DYNC2H1: variants seen among roughly 807,000 people sequenced by gnomAD.
DYNC2H1 encodes the protein cytoplasmic dynein 2 heavy chain 1.
In DYNC2H1, 410 loss-of-function variants were observed where a neutral mutation model predicts 570.0. The observed-to-expected ratio is 0.72, with a 90% CI of 0.66 to 0.78. DYNC2H1 has a LOEUF of 0.78. Among genes scored for constraint, DYNC2H1 ranks in the 30% least tolerant of loss-of-function variants. The probability of loss-of-function intolerance (pLI) is 0.00; values close to 1 mark genes in which losing one functional copy is unlikely to be tolerated. For synonymous variants in DYNC2H1, 1,688 were observed against 1,677.6 expected (o/e 1.01, Z -0.15); for missense variants, 4,865 against 5,046.4 (o/e 0.96, Z 1.09).
chr11:103,371,090 G>A (rs575230882), intron 83 of DYNC2H1, among the ~76,000 whole-genome samples: 157 of 152,092 alleles, frequency 1.0e-3, no homozygotes, highest in South Asian at 2.9e-3. Context: ...ATTCTATCAG[G>A]TAAATTTTAA....
chr11:103,389,657 C>T (rs1942048323), intron 83 of DYNC2H1, among the ~76,000 whole-genome samples: 1 of 151,802 alleles, frequency 6.6e-6, no homozygotes, highest in Non-Finnish European at 1.5e-5. Context: ...TCCCTCTACA[C>T]ACTGCTTTGA....
intron 73 of DYNC2H1, among the ~76,000 whole-genome samples, chr11:103,285,743 A>G (rs10791611): frequency 0.66 from 100,948 of 151,828 alleles, 33,507 homozygotes; most frequent in Admixed American, 0.72. Flanking sequence ...GAATTTGATT[A>G]GATATTCAAG....
chr11:103,265,855 A>G (rs1346965226), intron 70 of DYNC2H1, among the ~76,000 whole-genome samples: 1 of 151,834 alleles, frequency 6.6e-6, no homozygotes, highest in South Asian at 2.1e-4. Flanking sequence ...TTTTCCTTTT[A>G]TTCTATTTAA....
At chr11:103,356,422 TTTGG>T (rs1940342017) in intron 82 of DYNC2H1, among the ~76,000 whole-genome samples, 1 of 152,222 alleles carries the variant, frequency 6.6e-6, no homozygotes, top group South Asian at 2.1e-4. Flanking sequence ...GACATCTTTT[TTTGG>T]TTGGTGTACA....
chr11:103,165,353 T>A (rs940044719), intron 30 of DYNC2H1, among the ~76,000 whole-genome samples: 20 of 152,314 alleles, frequency 1.3e-4, no homozygotes, highest in African/African-American at 4.3e-4. Flanking sequence ...GGTCTTGAAC[T>A]CCTGGCCTCA....
rs552208873 is a variant in DYNC2H1, at chr11:103,462,390, G to A, written c.12648+6034G>A. 2.9e-5 allele frequency among the ~76,000 whole-genome samples: 4 copies of A among 140,194 alleles called. No individual in the cohort carries two copies. The East Asian group carries it at 6.4e-4, about 22-fold the overall frequency. 92.0% of individuals were successfully genotyped at this position (140,194 alleles called of 152,430 possible). A position where few individuals can be genotyped will look rare whatever the true frequency, so the allele number is the denominator to read the frequency against. On this transcript the variant is annotated intron_variant, in intron 87 of 88. Coordinates refer to ENST00000375735, the MANE Select transcript of DYNC2H1 (RefSeq NM_001377.3). The stretch of plus-strand genomic sequence containing the variant: ...TTACATTGTATCATAAGGCACACAC[G>A]TGTTGTTTTCTTGTTTTTAGTCATG...
chr11:103,375,199 G>A (rs1941342208), intron 83 of DYNC2H1, among the ~76,000 whole-genome samples: 1 of 152,328 alleles, frequency 6.6e-6, no homozygotes, highest in African/African-American at 2.4e-5. Context: ...TGGGTGCACA[G>A]AAAACAAGAA....
rs369671097 is a variant in DYNC2H1 at position 103,215,972 on chromosome 11, T to A, written c.8832+114T>A. The A allele has an allele frequency of 4.2e-4, 547 of 1,292,406 alleles. 1 individual carries two copies. The African/African-American group carries it at 7.4e-3, about 17-fold the overall frequency. 80.1% of individuals were successfully genotyped at this position (1,292,406 alleles called of 1,614,324 possible). A position where few individuals can be genotyped will look rare whatever the true frequency, so the allele number is the denominator to read the frequency against. On this transcript the variant is annotated intron_variant, in intron 55 of 88. Transcript: ENST00000375735. Reference sequence around the variant, plus strand: ...GGATTTAAAAAATATTGCTTATTCATACTGAGTCAGACTGATATTATGTCC... The same window carrying A: ...GGATTTAAAAAATATTGCTTATTCAAACTGAGTCAGACTGATATTATGTCC...
At chr11:103,463,991 A>G (rs932726832) in intron 87 of DYNC2H1, among the ~76,000 whole-genome samples, 6 of 152,190 alleles carry the variant, frequency 3.9e-5, no homozygotes, top group African/African-American at 1.4e-4. Context: ...ACAGAGGTCT[A>G]TGGAGGGAAA....
intron 83 of DYNC2H1, among the ~76,000 whole-genome samples, chr11:103,361,887 G>A (rs1036453994): frequency 6.6e-6 from 1 of 152,188 alleles, no homozygotes; most frequent in African/African-American, 2.4e-5. Context: ...TAGCTTCTGA[G>A]AGGTTAAACA....
chr11:103,112,162 C>A (rs775845259), intron 1 of DYNC2H1, among the ~76,000 whole-genome samples: 1 of 151,948 alleles, frequency 6.6e-6, no homozygotes, highest in Non-Finnish European at 1.5e-5. Flanking sequence ...GAAGAGTGTT[C>A]TAAGCAAAAG....
At chr11:103,288,594 C>T (rs1866444472) in intron 75 of DYNC2H1, among the ~76,000 whole-genome samples, 1 of 146,930 alleles carries the variant, frequency 6.8e-6, no homozygotes, top group African/African-American at 2.5e-5. Flanking sequence ...TGCCTGTAAT[C>T]CCAGCACTTT....
At chr11:103,206,062 G>T (rs1010013813) in intron 52 of DYNC2H1, among the ~76,000 whole-genome samples, 2 of 152,176 alleles carry the variant, frequency 1.3e-5, no homozygotes, top group African/African-American at 4.8e-5. Flanking sequence ...AGTTACAAAT[G>T]ATTGCAGTAA....
intron 60 of DYNC2H1, among the ~76,000 whole-genome samples, chr11:103,233,770 A>G (rs1015442508): frequency 5.3e-5 from 8 of 151,730 alleles, no homozygotes; most frequent in Admixed American, 6.6e-5. Flanking sequence ...AAATTTTTAT[A>G]TAATGCAGTA....
rs866683143 is a variant in DYNC2H1, at chr11:103,465,845, G to A, written c.12649-2744G>A. 6.6e-6 allele frequency among the ~76,000 whole-genome samples: 1 copy of A among 152,174 alleles called. No homozygotes were observed. The stretch of plus-strand genomic sequence containing the variant: ...CAGAGCCTTTTAAAGCCTAGCTTCA[G>A]AAGTTGCTTAAAGTCCTACCACATT... On this transcript the variant is annotated intron_variant, in intron 87 of 88. Coordinates refer to ENST00000375735, the MANE Select transcript of DYNC2H1 (RefSeq NM_001377.3). The surrounding 1 kb of genome is among the most constrained non-coding windows in gnomAD (Gnocchi z 4.9).
At chr11:103,248,090 A>G (rs1456576309) in intron 65 of DYNC2H1, among the ~76,000 whole-genome samples, 1 of 151,978 alleles carries the variant, frequency 6.6e-6, no homozygotes, top group Non-Finnish European at 1.5e-5. Context: ...GATGTTGGTT[A>G]TCTTTCTTTC....
chr11:103,173,659 T>C (rs1241665236), intron 35 of DYNC2H1, among the ~76,000 whole-genome samples: 1 of 152,148 alleles, frequency 6.6e-6, no homozygotes, highest in African/African-American at 2.4e-5. Flanking sequence ...GTCTTATTTC[T>C]AGTAATAGAA....
intron 83 of DYNC2H1, among the ~76,000 whole-genome samples, chr11:103,382,064 T>C (rs1169620028): frequency 6.6e-6 from 1 of 152,014 alleles, no homozygotes; most frequent in Non-Finnish European, 1.5e-5. Flanking sequence ...CTCTGAAAGG[T>C]CAGTTCTTGT....
chr11:103,291,870 ACTT>A (rs58795878), intron 75 of DYNC2H1, among the ~76,000 whole-genome samples: 5,698 of 152,080 alleles, frequency 0.037, 138 homozygotes, highest in Non-Finnish European at 0.051. Flanking sequence ...AATTATAGCT[ACTT>A]CTTCTCTTTT....
Sources: gnomAD v4.1 joint callset for allele counts (sites outside exome capture counted in the v4.1 genomes callset) on GRCh38, gnomAD v4.1.1 for gene constraint, Gnocchi (gnomAD v3.1) non-coding constraint, MANE v1.5 for transcripts, NCBI Gene and HGNC (gene_info 2026-07-23, HGNC 2026-07-21) for gene names.